Variants in UBN1 observed in about 807,000 individuals in gnomAD.
UBN1 encodes the protein ubinuclein 1, also known as ubinuclein-1.
Under a neutral mutation model 108.5 loss-of-function variants are expected in UBN1, and 17 were observed. The ratio of observed to expected loss-of-function variants is 0.16; its 90% CI spans 0.11 to 0.24. The LOEUF (loss-of-function observed/expected upper bound fraction) is 0.24. Among genes scored for constraint, UBN1 ranks in the 10% least tolerant of loss-of-function variants. The probability of loss-of-function intolerance (pLI) is 1.00; values close to 1 mark genes in which losing one functional copy is unlikely to be tolerated. For missense variants in UBN1, 1,595 were observed against 1,394.4 expected, an observed-to-expected ratio of 1.14 and a Z score of -2.29; for synonymous variants, 726 against 564.2, an observed-to-expected ratio of 1.29 and a Z score of -4.07.
At position 4,870,172 on chromosome 16, in the gene UBN1, A is replaced by G. The variant is rs1479057648; in HGVS notation, c.1182-40A>G. 9 of 1,612,712 alleles carry G rather than the reference A, an allele frequency of 5.6e-6. No homozygotes were observed. The South Asian group carries it at 7.7e-5, about 14-fold the overall frequency. ...GTGAGCTGATGAAGACAGGAGTTGC[A>G]GTGAGCTGCAGCCGGTGGTGACTGT... On this transcript the variant is annotated intron_variant, in intron 8 of 17. Coordinates refer to ENST00000262376, the MANE Select transcript of UBN1 (RefSeq NM_001079514.3).
Position 4,874,438 on chromosome 16 carries a change from G to T in UBN1, c.2028G>T (p.Val676=). ...IRNPASSVEA[V]SKELAALNSR... Reference sequence around the variant, plus strand: ...ATCCAGCCTCCTCGGTGGAAGCCGTGTCCAAGGAATTGGCTGCATTGAATA... The same window carrying T: ...ATCCAGCCTCCTCGGTGGAAGCCGTTTCCAAGGAATTGGCTGCATTGAATA... Residue 676 remains valine (V), a synonymous_variant, in exon 15 of 18, where the codon GTG becomes GTT. Transcript: ENST00000262376. The T allele has an allele frequency of 6.2e-7, 1 of 1,613,764 alleles. No individual in the cohort carries two copies.
At position 4,866,496 on chromosome 16, in the gene UBN1, A is replaced by G. The variant is rs4502217; in HGVS notation, c.1111-2337A>G. 2.6e-5 allele frequency among the ~76,000 whole-genome samples: 4 copies of G among 151,974 alleles called. No individual in the cohort carries two copies. In the South Asian group the frequency reaches 8.3e-4, roughly 31 times the overall value. Reference sequence around the variant, plus strand: ...CATGGGAAATATACTGATGAATAAGACTCAGTTCTATATTTTATTTTATTA... The same window carrying G: ...CATGGGAAATATACTGATGAATAAGGCTCAGTTCTATATTTTATTTTATTA... On this transcript the variant is annotated intron_variant, in intron 7 of 17. Coordinates refer to ENST00000262376, the MANE Select transcript of UBN1 (RefSeq NM_001079514.3).
intron 7 of UBN1, among the ~76,000 whole-genome samples, chr16:4,863,713 C>G (rs947357356): frequency 6.6e-6 from 1 of 152,204 alleles, no homozygotes; most frequent in African/African-American, 2.4e-5. Flanking sequence ...AAAACACCCC[C>G]CAAAATTTGC....
intron 7 of UBN1, among the ~76,000 whole-genome samples, chr16:4,868,369 G>C (rs947442602): frequency 1.3e-5 from 2 of 152,132 alleles, no homozygotes; most frequent in African/African-American, 2.4e-5. Context: ...TTGTCAAAGA[G>C]TTTTAATGTC....
chr16:4,853,893 C>A (rs1050861872), intron 2 of UBN1, among the ~76,000 whole-genome samples: 1 of 151,958 alleles, frequency 6.6e-6, no homozygotes, highest in Non-Finnish European at 1.5e-5. Context: ...AACTCAGTAC[C>A]CCCATGTAAC....
chr16:4,849,468 A>G (rs1480610256), intron 1 of UBN1, among the ~76,000 whole-genome samples: 1 of 151,474 alleles, frequency 6.6e-6, no homozygotes, highest in African/African-American at 2.5e-5. Context: ...TACAATGTTT[A>G]GAAGGAGATA....
In UBN1 at chr16:4,860,962, C is replaced by G. The variant is rs2087030664; in HGVS notation, c.970C>G (p.Pro324Ala). ...CTTGGAGCATCTGCTCAGTGAGTCT[C>G]CAGAAGGAAGTCCCTTCCGAGATAT... The part of the protein sequence containing the change: ...LDLEHLLSES[P>A]EGSPFRDMDD... The change falls in exon 7 of 18, where the codon CCA becomes GCA. Residue 324 changes from proline to alanine, a missense_variant. By Grantham distance (27) the Pro-to-Ala change is conservative. Around this residue, in one of 3 missense-constraint regions of UBN1, gnomAD observed 1,398 missense variants for 1,194.7 expected, o/e 1.17. Coordinates refer to ENST00000262376, the MANE Select transcript of UBN1 (RefSeq NM_001079514.3). The G allele has an allele frequency of 1.2e-6, 2 of 1,614,108 alleles. No homozygotes were observed.
chr16:4,868,761 G>A (rs868800693), intron 7 of UBN1, 72 bp from the exon 8 acceptor site: 22 of 1,486,920 alleles, frequency 1.5e-5, no homozygotes, highest in Middle Eastern at 4.3e-4. Flanking sequence ...GATGACTCCT[G>A]TGCCTGTGGG....
At chr16:4,862,631 C>G (rs558472268) in intron 7 of UBN1, among the ~76,000 whole-genome samples, 2 of 152,170 alleles carry the variant, frequency 1.3e-5, no homozygotes, top group African/African-American at 2.4e-5. Flanking sequence ...GTCTATGTGA[C>G]GATAGATGGT....
intron 7 of UBN1, among the ~76,000 whole-genome samples, chr16:4,865,104 C>T (rs545826365): frequency 6.6e-6 from 1 of 152,260 alleles, no homozygotes; most frequent in African/African-American, 2.4e-5. Flanking sequence ...TTAATTCACA[C>T]AACTTCTGGG....
intron 1 of UBN1, among the ~76,000 whole-genome samples, chr16:4,849,822 C>G (rs940953502): frequency 6.6e-5 from 10 of 151,496 alleles, no homozygotes; most frequent in Admixed American, 6.6e-4. Context: ...GTCTTAAACT[C>G]CTAGGCTCCA....
In UBN1 at chr16:4,866,270, C is replaced by T. The variant is rs114433054; in HGVS notation, c.1111-2563C>T. Among the ~76,000 whole-genome samples, 825 of 152,046 alleles carry T rather than the reference C, an allele frequency of 5.4e-3. 7 individuals carry two copies. The highest frequency in any genetic ancestry group is 0.019 in the African/African-American group (786 of 41,480). ...AGTCATGCCCTTTTTTTCCATTATT[C>T]GTCTGTGGATTTCACCCCTCTGGGC... is the stretch of plus-strand genomic sequence containing the variant. On this transcript the variant is annotated intron_variant, in intron 7 of 17. Transcript: ENST00000262376.
chr16:4,873,316 A>G (rs1210411573), intron 14 of UBN1, among the ~76,000 whole-genome samples: 1 of 152,196 alleles, frequency 6.6e-6, no homozygotes, highest in Non-Finnish European at 1.5e-5. Flanking sequence ...ATTAAGTGGG[A>G]TCTTCTTGGC....
chr16:4,858,077 G>T lies in UBN1; in HGVS notation c.336+1G>T, dbSNP rs775824365. The T allele has an allele frequency of 1.2e-6, 2 of 1,601,442 alleles. No homozygotes were observed. Among genetic ancestry groups the T allele is most frequent in the Non-Finnish European group, 1.7e-6 (2 of 1,169,808 alleles). ...TGCCCGAAAATTTGAAGAAAAATAC[G>T]TAAGATTTCTCTCTTGAATAACAAA... On this transcript the variant is annotated splice_donor_variant, in intron 3 of 17. Transcript: ENST00000262376. LOFTEE classifies it high-confidence loss of function.
chr16:4,851,157 C>T (rs1458293292), intron 1 of UBN1, among the ~76,000 whole-genome samples: 1 of 152,182 alleles, frequency 6.6e-6, no homozygotes, highest in African/African-American at 2.4e-5. Context: ...TACTTTATAG[C>T]ATAGCAAATT....
Position 4,861,225 on chromosome 16 carries a change from T to A in UBN1, c.1110+123T>A, listed in dbSNP as rs536107564. The A allele has an allele frequency of 5.7e-4, 650 of 1,135,508 alleles. 2 individuals are homozygous for A. The Middle Eastern group carries it at 1.0e-2, about 17-fold the overall frequency. The allele number at this position is 1,135,508 out of a possible 1,614,324, so 70.3% of individuals were successfully genotyped here. On this transcript the variant is annotated intron_variant, in intron 7 of 17. Transcript: ENST00000262376. ...TGAGTTGGCAGTTAAGGTGTCAGCT[T>A]TTTCCAAACCCTATTCTCATCCTGA...
chr16:4,877,643 C>G lies in UBN1; in HGVS notation c.3355+169C>G, dbSNP rs1444303988. 1.5e-6 allele frequency: 2 copies of G among 1,337,328 alleles called. No individual in the cohort carries two copies. The highest frequency in any genetic ancestry group is 3.0e-5 in the African/African-American group (2 of 65,916). The allele number at this position is 1,337,328 out of a possible 1,614,324, so 82.8% of individuals were successfully genotyped here. On this transcript the variant is annotated intron_variant, in intron 17 of 17. Coordinates refer to ENST00000262376, the MANE Select transcript of UBN1 (RefSeq NM_001079514.3). This position sits in a 1 kb window ranked among gnomAD's most constrained non-coding sequence, Gnocchi z 4.3. ...TCAGTACTCAGGGTGACACGCACTT[C>G]TACTCTTGGGGTTTCCTCTGGTCCC...
Position 4,874,906 on chromosome 16 carries a change from T to G in UBN1, c.2496T>G (p.Ala832=), listed in dbSNP as rs949135340. The G allele has an allele frequency of 5.6e-6, 9 of 1,614,018 alleles. No homozygotes were observed. In the African/African-American group the frequency reaches 1.2e-4, roughly 22 times the overall value. Residue 832 remains alanine, a synonymous_variant, in exon 15 of 18, where the codon GCT becomes GCG. Transcript: ENST00000262376. ...CCAATAAGCTCCAAGGCCCAAAGGC[T>G]TCTCCCACACAGTGTCATCGTTCCC... ...PFANKLQGPK[A]SPTQCHRSLL... is the part of the protein sequence containing the mutation.
intron 1 of UBN1, among the ~76,000 whole-genome samples, chr16:4,849,581 G>A (rs547207257): frequency 4.3e-4 from 65 of 150,978 alleles, no homozygotes; most frequent in Non-Finnish European, 8.7e-4. Context: ...TTTAAAGGGG[G>A]ATCTTTGTTT....
Sources: allele counts gnomAD v4.1 joint callset (sites outside exome capture counted in the v4.1 genomes callset), GRCh38; gene constraint gnomAD v4.1.1; regional missense constraint gnomAD v4.1.1; non-coding constraint Gnocchi (gnomAD v3.1); transcripts MANE v1.5; gene names NCBI Gene and HGNC (gene_info 2026-07-23, HGNC 2026-07-21).